The following PTPRD variants were observed in gnomAD, a reference collection of about 807,000 sequenced individuals.
PTPRD encodes protein tyrosine phosphatase receptor type D.
In PTPRD, 34 loss-of-function variants were observed where a neutral mutation model predicts 214.5. The ratio of observed to expected loss-of-function variants is 0.16; its 90% CI spans 0.12 to 0.21. PTPRD has a LOEUF of 0.21. Ranked by LOEUF, PTPRD falls within the 10% of genes least tolerant of loss-of-function variation. The pLI, the probability that PTPRD is intolerant of heterozygous loss-of-function variation, is 1.00. For missense variants in PTPRD, 2,545 were observed against 2,398.7 expected (o/e 1.06, Z -1.27); for synonymous variants, 1,128 against 845.7 (o/e 1.33, Z -5.79).
intron 3 of PTPRD, among the ~76,000 whole-genome samples, chr9:10,260,610 T>A (rs1034719313): frequency 3.3e-5 from 5 of 152,204 alleles, no homozygotes; most frequent in Admixed American, 3.3e-4. Flanking sequence ...CTTAAGAATG[T>A]CTAAATCTGT....
intron 14 of PTPRD, among the ~76,000 whole-genome samples, chr9:8,596,740 C>G (rs1263205333): frequency 6.6e-6 from 1 of 152,036 alleles, no homozygotes; most frequent in Non-Finnish European, 1.5e-5. Context: ...GAGTCCTAAA[C>G]AATGCTATAA....
At chr9:9,620,752 C>G (rs1446211625) in intron 7 of PTPRD, among the ~76,000 whole-genome samples, 2 of 151,882 alleles carry the variant, frequency 1.3e-5, no homozygotes, top group Non-Finnish European at 2.9e-5. Flanking sequence ...TCTTCATTTC[C>G]TTAGAGTTTT....
intron 37 of PTPRD, among the ~76,000 whole-genome samples, chr9:8,377,833 A>G (rs1424741542): frequency 2.0e-5 from 3 of 152,090 alleles, no homozygotes. Context: ...ATTTGCTTTT[A>G]TGTTTAATAT....
At chr9:9,952,793 G>A (rs1007296751) in intron 4 of PTPRD, among the ~76,000 whole-genome samples, 3 of 152,158 alleles carry the variant, frequency 2.0e-5, no homozygotes, top group Non-Finnish European at 4.4e-5. Flanking sequence ...CCTCCAGTTA[G>A]AGTGAGGGCT....
At position 8,348,089 on chromosome 9, in the gene PTPRD, T is replaced by TAACA. The variant is rs1239351378; in HGVS notation, c.4662-6115_4662-6112dup. 2.0e-5 allele frequency among the ~76,000 whole-genome samples: 3 copies of TAACA among 152,252 alleles called. No homozygotes were observed. In the East Asian group the frequency reaches 5.8e-4, roughly 29 times the overall value. On this transcript the variant is annotated intron_variant, in intron 39 of 45. Transcript: ENST00000381196. ...AGACAACATAGCACATTTGAATAAC[T>TAACA]AACAGAAAGCCATCGGCTGAAAGGC...
chr9:9,687,610 A>C (rs1323062943), intron 7 of PTPRD, among the ~76,000 whole-genome samples: 1 of 151,712 alleles, frequency 6.6e-6, no homozygotes, highest in African/African-American at 2.4e-5. Flanking sequence ...ATGTACCCTA[A>C]AACTTAAAGT....
chr9:9,262,536 G>C (rs963138124), intron 9 of PTPRD, among the ~76,000 whole-genome samples: 7 of 151,156 alleles, frequency 4.6e-5, no homozygotes, highest in African/African-American at 1.7e-4. Flanking sequence ...GCTCTTGATT[G>C]TCCAAGATAT....
intron 9 of PTPRD, among the ~76,000 whole-genome samples, chr9:9,185,048 C>T (rs1331580510): frequency 2.6e-5 from 4 of 151,978 alleles, no homozygotes; most frequent in Non-Finnish European, 5.9e-5. Context: ...TTAGGTAAGA[C>T]GCTGAGAGCA....
intron 3 of PTPRD, among the ~76,000 whole-genome samples, chr9:10,067,753 A>G (rs950298023): frequency 2.0e-5 from 3 of 151,874 alleles, no homozygotes; most frequent in African/African-American, 4.8e-5. Context: ...TCCATTATTC[A>G]TTACTCATAT....
At chr9:8,801,560 T>C (rs2096571246) in intron 11 of PTPRD, among the ~76,000 whole-genome samples, 3 of 151,808 alleles carry the variant, frequency 2.0e-5, no homozygotes, top group African/African-American at 7.3e-5. Context: ...CTACTAAAAA[T>C]ACAAAATTAG....
At chr9:10,564,304 T>A (rs2064985973) in intron 2 of PTPRD, among the ~76,000 whole-genome samples, 1 of 149,926 alleles carries the variant, frequency 6.7e-6, no homozygotes, top group Non-Finnish European at 1.5e-5. Context: ...CACGAGCTGC[T>A]GAGTCCAGCC....
intron 14 of PTPRD, among the ~76,000 whole-genome samples, chr9:8,606,342 C>T (rs142573826): frequency 2.0e-4 from 30 of 152,184 alleles, no homozygotes; most frequent in South Asian, 6.2e-4. Flanking sequence ...ACAGTCTAGT[C>T]CTTTCATGTG....
At chr9:10,550,764 T>G (rs904247607) in intron 2 of PTPRD, among the ~76,000 whole-genome samples, 4 of 152,202 alleles carry the variant, frequency 2.6e-5, no homozygotes, top group African/African-American at 9.6e-5. Flanking sequence ...AAGAACTATC[T>G]ATCTCAGCTT....
chr9:10,482,535 T>C (rs1190972365), intron 2 of PTPRD, among the ~76,000 whole-genome samples: 3 of 151,744 alleles, frequency 2.0e-5, no homozygotes, highest in Non-Finnish European at 2.9e-5. Flanking sequence ...AAAAGACCCC[T>C]CCAAAAGATT....
intron 9 of PTPRD, among the ~76,000 whole-genome samples, chr9:9,235,193 T>A (rs2099965778): frequency 6.6e-6 from 1 of 152,108 alleles, no homozygotes; most frequent in African/African-American, 2.4e-5. Flanking sequence ...AAAACCATCA[T>A]ATCTTATGCA....
intron 2 of PTPRD, among the ~76,000 whole-genome samples, chr9:10,516,603 T>C (rs1190366116): frequency 6.6e-6 from 1 of 152,000 alleles, no homozygotes; most frequent in Non-Finnish European, 1.5e-5. Context: ...TATTTTCTCT[T>C]AATTTGCCTG....
intron 7 of PTPRD, among the ~76,000 whole-genome samples, chr9:9,648,714 T>C (rs764144185): frequency 3.3e-5 from 5 of 152,208 alleles, no homozygotes; most frequent in Non-Finnish European, 7.3e-5. Context: ...GCAGGGAAAT[T>C]GCTTGAATTT....
chr9:10,290,574 G>C (rs781748098), intron 3 of PTPRD, among the ~76,000 whole-genome samples: 17 of 152,086 alleles, frequency 1.1e-4, no homozygotes, highest in Non-Finnish European at 1.8e-4. Context: ...TATATGCATA[G>C]AGTAAGAAAT....
chr9:10,118,204 C>A (rs959101934), intron 3 of PTPRD, among the ~76,000 whole-genome samples: 1 of 143,868 alleles, frequency 7.0e-6, no homozygotes, highest in East Asian at 1.9e-4. Flanking sequence ...TATTATCTAT[C>A]TATCTATCTA....
Sources: gnomAD v4.1 joint callset for allele counts (sites outside exome capture counted in the v4.1 genomes callset) on GRCh38, gnomAD v4.1.1 for gene constraint, MANE v1.5 for transcripts, NCBI Gene and HGNC (gene_info 2026-07-23, HGNC 2026-07-21) for gene names.